CFAP95: variants seen among roughly 807,000 people sequenced by gnomAD.
CFAP95 encodes cilia- and flagella-associated protein 95.
chr9:69,823,104 T>C, the CFAP95 span, among the ~76,000 whole-genome samples: 7 of 152,234 alleles, frequency 4.6e-5, no homozygotes, highest in Non-Finnish European at 8.8e-5. Flanking sequence ...GTTCAGCAGG[T>C]CTTGGGAGGC....
the CFAP95 span, among the ~76,000 whole-genome samples, chr9:69,824,558 C>CTTT: frequency 7.2e-6 from 1 of 138,970 alleles, no homozygotes; most frequent in Non-Finnish European, 1.6e-5. Flanking sequence ...CTATTTAATG[C>CTTT]TTTTTTTTTT....
At chr9:69,827,070 A>G in the CFAP95 span, among the ~76,000 whole-genome samples, 5 of 152,188 alleles carry the variant, frequency 3.3e-5, no homozygotes, top group African/African-American at 4.8e-5. Context: ...TTACAATAGT[A>G]AAGAATTTTT....
At chr9:69,838,146 A>T in the CFAP95 span, among the ~76,000 whole-genome samples, 1 of 152,196 alleles carries the variant, frequency 6.6e-6, no homozygotes, top group Non-Finnish European at 1.5e-5. Flanking sequence ...CTTGTAGTAT[A>T]GTTTGAAGTC....
At chr9:69,866,382 T>C in the CFAP95 span, among the ~76,000 whole-genome samples, 3 of 152,172 alleles carry the variant, frequency 2.0e-5, no homozygotes, top group Non-Finnish European at 4.4e-5. Context: ...GGGAAGATGA[T>C]GGTGTAACTC....
At chr9:69,821,129 CAG>C in the CFAP95 span, 2 of 1,402,040 alleles carry the variant, frequency 1.4e-6, no homozygotes, top group South Asian at 2.8e-5. Context: ...AGAGAGGGGA[CAG>C]GAGTGGAGAC....
At chr9:69,894,544 T>A in the CFAP95 span, among the ~76,000 whole-genome samples, 3 of 152,194 alleles carry the variant, frequency 2.0e-5, no homozygotes, top group African/African-American at 7.2e-5. Context: ...CTTACATGTA[T>A]TAGCTCACTT....
the CFAP95 span, chr9:69,844,600 G>A: frequency 2.9e-5 from 46 of 1,612,642 alleles, no homozygotes; most frequent in Admixed American, 5.0e-5. Flanking sequence ...TCAACATATC[G>A]GCGACTGGGA....
chr9:69,889,510 A>T, the CFAP95 span, among the ~76,000 whole-genome samples: 1 of 152,210 alleles, frequency 6.6e-6, no homozygotes, highest in South Asian at 2.1e-4. Flanking sequence ...CTATGCAAAG[A>T]CAGTTTAGAC....
chr9:69,904,594 A>G, the CFAP95 span, among the ~76,000 whole-genome samples: 1 of 152,154 alleles, frequency 6.6e-6, no homozygotes, highest in African/African-American at 2.4e-5. Context: ...CTCTCTGCCT[A>G]TGAAATGCTG....
chr9:69,856,575 T>G, the CFAP95 span: 1 of 1,608,980 alleles, frequency 6.2e-7, no homozygotes, highest in Non-Finnish European at 8.5e-7. Flanking sequence ...CAGAAACACA[T>G]GAAAAGTTGT....
the CFAP95 span, among the ~76,000 whole-genome samples, chr9:69,851,510 A>G: frequency 0.99 from 150,787 of 152,244 alleles, 74,682 homozygotes; most frequent in Middle Eastern, 1. Flanking sequence ...GGGTAGGCCG[A>G]GTTGGATAAT....
the CFAP95 span, among the ~76,000 whole-genome samples, chr9:69,844,131 T>G: frequency 5.8e-4 from 89 of 152,198 alleles, no homozygotes; most frequent in Non-Finnish European, 5.7e-4. Context: ...AAATTGTAAT[T>G]AAAATTCATG....
chr9:69,897,580 A>T, the CFAP95 span, among the ~76,000 whole-genome samples: 8 of 152,210 alleles, frequency 5.3e-5, no homozygotes, highest in Non-Finnish European at 1.0e-4. Context: ...TCCTATATGA[A>T]TGAGTAGAAC....
the CFAP95 span, among the ~76,000 whole-genome samples, chr9:69,864,951 T>G: frequency 2.0e-5 from 3 of 152,202 alleles, no homozygotes; most frequent in Non-Finnish European, 4.4e-5. Flanking sequence ...CCTATGGTGA[T>G]GATGATATGG....
chr9:69,862,467 A>G, the CFAP95 span, among the ~76,000 whole-genome samples: 2 of 152,218 alleles, frequency 1.3e-5, no homozygotes, highest in African/African-American at 4.8e-5. Flanking sequence ...TGTTTCATAC[A>G]GTACAATGCT....
At chr9:69,878,347 T>C in the CFAP95 span, among the ~76,000 whole-genome samples, 2 of 152,208 alleles carry the variant, frequency 1.3e-5, no homozygotes, top group African/African-American at 4.8e-5. Context: ...TACGATTTCC[T>C]CATCAGGGAA....
the CFAP95 span, among the ~76,000 whole-genome samples, chr9:69,881,759 T>C: frequency 1.3e-5 from 2 of 152,178 alleles, no homozygotes; most frequent in Non-Finnish European, 2.9e-5. Flanking sequence ...CTGGGTAATA[T>C]GGACATTTTA....
At chr9:69,846,481 T>C in the CFAP95 span, among the ~76,000 whole-genome samples, 2 of 152,260 alleles carry the variant, frequency 1.3e-5, no homozygotes, top group Admixed American at 1.3e-4. Context: ...CTATTCTCTA[T>C]CTTAATAGCA....
the CFAP95 span, among the ~76,000 whole-genome samples, chr9:69,843,555 CTCCTTCTTCTTCTTCTTCTTCT>C: frequency 3.8e-5 from 1 of 26,012 alleles, no homozygotes; most frequent in Non-Finnish European, 7.9e-5. Context: ...CCTCCTCCTC[CTCCTTCTTCTTCTTCTTCTTCT>C]TCTTCTTCTT....
Sources: allele counts gnomAD v4.1 joint callset (sites outside exome capture counted in the v4.1 genomes callset), GRCh38; gene constraint gnomAD v4.1.1; transcripts MANE v1.5; gene names NCBI Gene and HGNC (gene_info 2026-07-23, HGNC 2026-07-21).